Variants in AAAS observed in about 807,000 individuals in gnomAD.
AAAS encodes aladin WD repeat nucleoporin.
In AAAS, 60 loss-of-function variants were observed where a neutral mutation model predicts 75.6. That is an observed-to-expected ratio of 0.79 (90% CI 0.64 to 0.98). The LOEUF (loss-of-function observed/expected upper bound fraction) is 0.98, where lower values mean the gene tolerates loss of function less well. AAAS is among the 50% of genes least tolerant of loss of function. AAAS has a pLI of 0.00. For missense variants in AAAS, 658 were observed against 686.9 expected (o/e 0.96, Z 0.47); for synonymous variants, 271 against 265.0 (o/e 1.02, Z -0.22).
chr12:53,319,732 A>G (rs952219588), intron 2 of AAAS, among the ~76,000 whole-genome samples: 1 of 141,134 alleles, frequency 7.1e-6, no homozygotes, highest in African/African-American at 2.7e-5. Context: ...TGAACCAGAG[A>G]GGCGGAGGCT....
At chr12:53,313,314 C>A (rs1944418331) in intron 7 of AAAS, among the ~76,000 whole-genome samples, 1 of 151,984 alleles carries the variant, frequency 6.6e-6, no homozygotes, top group African/African-American at 2.4e-5. Flanking sequence ...CAGGCACGCA[C>A]CACCACGTCC....
intron 2 of AAAS, among the ~76,000 whole-genome samples, chr12:53,318,273 T>TGTGTGTG (rs1230106640): frequency 2.5e-4 from 38 of 151,214 alleles, no homozygotes; most frequent in African/African-American, 8.5e-4. Flanking sequence ...TGTGTGTGTG[T>TGTGTGTG]TAAGACGGAG....
chr12:53,319,517 T>A (rs1233941949), intron 2 of AAAS, among the ~76,000 whole-genome samples: 2 of 152,100 alleles, frequency 1.3e-5, no homozygotes, highest in Non-Finnish European at 2.9e-5. Context: ...CTTAAAGGAA[T>A]TAATATGTGC....
chr12:53,319,572 G>A (rs886642007), intron 2 of AAAS, among the ~76,000 whole-genome samples: 4 of 36,716 alleles, frequency 1.1e-4, no homozygotes, highest in Non-Finnish European at 2.5e-4. Context: ...AGCACTTTGG[G>A]AGGCCAAGGC....
Position 53,315,378 on chromosome 12 carries a change from C to A in AAAS, c.356G>T (p.Arg119Leu). The A allele has an allele frequency of 6.2e-7, 1 of 1,614,054 alleles. No individual in the cohort carries two copies. Among genetic ancestry groups the A allele is most frequent in the Non-Finnish European group, 8.5e-7 (1 of 1,180,034 alleles). Residue 119 changes from arginine to leucine, a missense_variant, in exon 4 of 16, where the codon CGA becomes CTA. Transcript: ENST00000209873. ...GGACCCATGGAGGGAAGAGGCCCAT[C>A]GACAGAGTGCCAGGGCCCAGCCGGA... ...TASGWALALCRWASSLHGSLF... is the reference protein window; with the variant it reads ...TASGWALALCLWASSLHGSLF...
At chr12:53,319,966 C>T (rs1944527852) in intron 2 of AAAS, among the ~76,000 whole-genome samples, 1 of 150,384 alleles carries the variant, frequency 6.6e-6, no homozygotes, top group Admixed American at 6.6e-5. Flanking sequence ...ACTAAAAATA[C>T]AAAATTAGCT....
At chr12:53,308,647 T>G in intron 11 of AAAS, 78 bp downstream of exon 11, 1 of 1,598,898 alleles carries the variant, frequency 6.3e-7, no homozygotes, top group Admixed American at 1.7e-5. Context: ...TTTCCCTTTA[T>G]CCCTCAGAGC....
At chr12:53,312,525 AC>A (rs1219060232) in intron 7 of AAAS, among the ~76,000 whole-genome samples, 1 of 150,750 alleles carries the variant, frequency 6.6e-6, no homozygotes, top group African/African-American at 2.4e-5. Flanking sequence ...AGATCGTGCC[AC>A]TGCACTCCAG....
At chr12:53,316,464 GA>G (rs879938313) in intron 2 of AAAS, among the ~76,000 whole-genome samples, 1,674 of 109,494 alleles carry the variant, frequency 0.015, 23 homozygotes, top group African/African-American at 0.047. Context: ...CAAAAAAGAA[GA>G]AAAAAAAAAA....
At chr12:53,314,467 G>A (rs139160221) in intron 6 of AAAS, 26 bp from the exon 7 acceptor site, 2 of 1,613,550 alleles carry the variant, frequency 1.2e-6, no homozygotes, top group East Asian at 4.5e-5. Context: ...AGGAAACTGA[G>A]TCAAGGCAGG....
chr12:53,309,373 G>C, intron 8 of AAAS, 92 bp from the exon 9 acceptor site: 1 of 1,579,974 alleles, frequency 6.3e-7, no homozygotes, highest in Non-Finnish European at 8.7e-7. Flanking sequence ...AGCCAGAAAC[G>C]AGAGGAAGCG....
chr12:53,308,612 C>T lies in AAAS; in HGVS notation c.1088-84G>A. The T allele has an allele frequency of 7.5e-6, 12 of 1,597,470 alleles. No individual in the cohort carries two copies. In the South Asian group the frequency reaches 7.7e-5, roughly 10 times the overall value. On this transcript the variant is annotated intron_variant, in intron 11 of 15. Coordinates refer to ENST00000209873, the MANE Select transcript of AAAS (RefSeq NM_015665.6). ...TGCCAGCTCACCAAAGGCATCAACA[C>T]CTCGAAATCTCCTAAGCTTCTATAT...
At chr12:53,321,212 C>A in intron 1 of AAAS, 131 bp downstream of exon 1, 4 of 1,439,870 alleles carry the variant, frequency 2.8e-6, no homozygotes, top group Non-Finnish European at 3.8e-6. Context: ...CTTCTAGCCT[C>A]CTGCCGGGGC....
chr12:53,316,538 G>A (rs1471180742), intron 2 of AAAS, among the ~76,000 whole-genome samples: 2 of 151,462 alleles, frequency 1.3e-5, no homozygotes, highest in African/African-American at 2.4e-5. Flanking sequence ...GGAGGCCAAG[G>A]TGGGCGGATC....
At chr12:53,315,830 C>T in intron 2 of AAAS, 48 bp from the exon 3 acceptor site, 1 of 1,592,536 alleles carries the variant, frequency 6.3e-7, no homozygotes, top group Non-Finnish European at 8.6e-7. Flanking sequence ...TCCCCTCTGT[C>T]CCTCTCTACC....
Position 53,321,456 on chromosome 12 carries a change from G to A in AAAS, c.10C>T (p.Leu4=), listed in dbSNP as rs1362659148. The A allele has an allele frequency of 6.2e-7, 1 of 1,614,050 alleles. No individual in the cohort carries two copies. The highest frequency in any genetic ancestry group is 8.5e-7 in the Non-Finnish European group (1 of 1,180,040). Residue 4 remains leucine (L), a synonymous_variant, in exon 1 of 16, where the codon CTG becomes TTG. Transcript: ENST00000209873. MCS[L]GLFPPPPPRG... ...GGCGGTGGAGGAGGGAACAACCCCA[G>A]AGAGCACATCTTGCCGGTTCGCAGG...
chr12:53,308,662 T>C, intron 11 of AAAS, 63 bp downstream of exon 11: 1 of 1,603,016 alleles, frequency 6.2e-7, no homozygotes, highest in Non-Finnish European at 8.5e-7. Context: ...CAGAGCTGCA[T>C]CTTACCAAAG....
rs745606502 is a variant in AAAS at position 53,321,500 on chromosome 12, C to T, written c.-35G>A. 1.2e-6 allele frequency: 2 copies of T among 1,613,162 alleles called. No homozygotes were observed. Among genetic ancestry groups the T allele is most frequent in the South Asian group, 1.1e-5 (1 of 91,088 alleles). The stretch of plus-strand genomic sequence containing the variant: ...TCGCAGGACGTCTGCAGTCGGCAAA[C>T]TCCTGGCCGGAACGGCACAGACCGC... On this transcript the variant is annotated 5_prime_UTR_variant, in exon 1 of 16. Transcript: ENST00000209873.
At position 53,307,521 on chromosome 12, in the gene AAAS, C is replaced by G. The variant is rs774208101; in HGVS notation, c.1609G>C (p.Val537Leu). The G allele has an allele frequency of 1.2e-6, 2 of 1,614,030 alleles. No homozygotes were observed. Among genetic ancestry groups the G allele is most frequent in the Admixed American group, 1.7e-5 (1 of 60,002 alleles). Reference sequence around the variant, plus strand: ...TGGGAATGTGGGGAGTGGGGCAGAACAGGTGGTGGCCCTGGGAGAGGGTCC... The same window carrying G: ...TGGGAATGTGGGGAGTGGGGCAGAAGAGGTGGTGGCCCTGGGAGAGGGTCC... ...PWDPLPGPPP[V>L]LPHSPHSHL Residue 537 changes from valine to leucine, a missense_variant, in exon 16 of 16, where the codon GTT (valine) becomes CTT (leucine). Physicochemically the swap from Val to Leu is conservative, Grantham distance 32. Coordinates refer to ENST00000209873, the MANE Select transcript of AAAS (RefSeq NM_015665.6).
Sources: allele counts gnomAD v4.1 joint callset (sites outside exome capture counted in the v4.1 genomes callset), GRCh38; gene constraint gnomAD v4.1.1; transcripts MANE v1.5; gene names NCBI Gene and HGNC (gene_info 2026-07-23, HGNC 2026-07-21).